RIMS1: variants seen among roughly 807,000 people sequenced by gnomAD.
RIMS1 encodes regulating synaptic membrane exocytosis 1.
Under a neutral mutation model 214.1 loss-of-function variants are expected in RIMS1, and 83 were observed. That is an observed-to-expected ratio of 0.39 (90% CI 0.32 to 0.47). The LOEUF is 0.47. Ranked by LOEUF, RIMS1 falls within the 20% of genes least tolerant of loss-of-function variation. RIMS1 has a pLI of 0.99. For missense variants in RIMS1, 2,050 were observed against 2,161.8 expected (o/e 0.95, Z 1.03); for synonymous variants, 793 against 786.8 (o/e 1.01, Z -0.13).
At chr6:72,128,589 G>A (rs2039972379) in intron 4 of RIMS1, among the ~76,000 whole-genome samples, 1 of 152,118 alleles carries the variant, frequency 6.6e-6, no homozygotes, top group African/African-American at 2.4e-5. Context: ...CAAGAATGGG[G>A]AATCTTCCAG....
intron 1 of RIMS1, among the ~76,000 whole-genome samples, chr6:71,926,104 T>C (rs566791844): frequency 1.5e-4 from 23 of 152,292 alleles, no homozygotes; most frequent in African/African-American, 5.3e-4. Context: ...TCTCACTCTG[T>C]CACCAGGCTG....
intron 1 of RIMS1, among the ~76,000 whole-genome samples, chr6:71,936,326 CAAAAAAAA>C (rs4034728): frequency 5.8e-5 from 4 of 68,700 alleles, no homozygotes; most frequent in Non-Finnish European, 1.0e-4. Context: ...GACTCCGTCT[CAAAAAAAA>C]AAAAAAAAAA....
Position 72,355,126 on chromosome 6 carries a change from A to G in RIMS1, c.4366+21291A>G, listed in dbSNP as rs565207202. Reference sequence around the variant, plus strand: ...AACTAAAGTTTTATTTTCTGTTTTTAAACAACAGTTGTGTCACTTAATAAT... The same window carrying G: ...AACTAAAGTTTTATTTTCTGTTTTTGAACAACAGTTGTGTCACTTAATAAT... On this transcript the variant is annotated intron_variant, in intron 29 of 33. Coordinates refer to ENST00000521978, the MANE Select transcript of RIMS1 (RefSeq NM_014989.7). 2.6e-5 allele frequency among the ~76,000 whole-genome samples: 4 copies of G among 152,228 alleles called. No individual in the cohort carries two copies. The South Asian group carries it at 8.3e-4, about 32-fold the overall frequency.
chr6:72,285,292 G>A (rs1398714543), intron 24 of RIMS1, among the ~76,000 whole-genome samples: 1 of 152,186 alleles, frequency 6.6e-6, no homozygotes, highest in African/African-American at 2.4e-5. Context: ...AGGGGTAGAT[G>A]CAAGGCATCA....
intron 4 of RIMS1, among the ~76,000 whole-genome samples, chr6:72,148,287 C>A (rs1477641279): frequency 6.6e-6 from 1 of 152,024 alleles, no homozygotes; most frequent in African/African-American, 2.4e-5. Flanking sequence ...AAGAGAAGTA[C>A]AGACTGAAGA....
chr6:72,134,878 G>T (rs2041026942), intron 4 of RIMS1, among the ~76,000 whole-genome samples: 1 of 152,130 alleles, frequency 6.6e-6, no homozygotes, highest in Admixed American at 6.6e-5. Context: ...GGTCACAGAT[G>T]TTTTAGATGT....
At chr6:72,292,749 T>C (rs919188023) in intron 26 of RIMS1, among the ~76,000 whole-genome samples, 5 of 152,138 alleles carry the variant, frequency 3.3e-5, no homozygotes, top group Non-Finnish European at 7.4e-5. Flanking sequence ...ATGACATGAC[T>C]TGTTATCATT....
chr6:72,299,996 T>A (rs1194608291), intron 26 of RIMS1, among the ~76,000 whole-genome samples: 1 of 151,814 alleles, frequency 6.6e-6, no homozygotes, highest in Non-Finnish European at 1.5e-5. Flanking sequence ...TGGGCATTGC[T>A]TCTCCTGAAC....
At chr6:72,303,023 G>A (rs1206149913) in intron 26 of RIMS1, among the ~76,000 whole-genome samples, 1 of 150,624 alleles carries the variant, frequency 6.6e-6, no homozygotes, top group African/African-American at 2.4e-5. Flanking sequence ...GGAATTTTGA[G>A]ATCCAAACAA....
chr6:72,354,004 G>C (rs1451039186), intron 29 of RIMS1, among the ~76,000 whole-genome samples: 1 of 152,106 alleles, frequency 6.6e-6, no homozygotes, highest in East Asian at 1.9e-4. Flanking sequence ...TGAATCACCT[G>C]AGGTCAGGAG....
intron 29 of RIMS1, among the ~76,000 whole-genome samples, chr6:72,369,083 G>A (rs912312723): frequency 2.0e-5 from 3 of 149,922 alleles, no homozygotes; most frequent in Non-Finnish European, 4.4e-5. Flanking sequence ...AATCTAGTAT[G>A]GGAGCACAGT....
intron 1 of RIMS1, among the ~76,000 whole-genome samples, chr6:71,910,110 G>A (rs927627920): frequency 1.1e-4 from 16 of 152,142 alleles, no homozygotes; most frequent in African/African-American, 3.1e-4. Flanking sequence ...CCTCTGGAAG[G>A]CTGTGAAAAT....
chr6:72,327,376 AT>A (rs1430241330), intron 28 of RIMS1, among the ~76,000 whole-genome samples: 4 of 151,744 alleles, frequency 2.6e-5, no homozygotes, highest in African/African-American at 7.3e-5. Context: ...ATAATATTTC[AT>A]TGTATGGATT....
chr6:71,907,093 C>G (rs1775460796), intron 1 of RIMS1, among the ~76,000 whole-genome samples: 1 of 152,138 alleles, frequency 6.6e-6, no homozygotes, highest in Non-Finnish European at 1.5e-5. Context: ...TGGGAATACA[C>G]AGAAGTTGGG....
At chr6:72,055,140 A>C (rs1269119421) in intron 2 of RIMS1, among the ~76,000 whole-genome samples, 1 of 152,162 alleles carries the variant, frequency 6.6e-6, no homozygotes, top group Non-Finnish European at 1.5e-5. Flanking sequence ...TCATGAAATA[A>C]TAGAGGGACA....
chr6:72,090,625 C>T lies in RIMS1; in HGVS notation c.246-6324C>T, dbSNP rs566937224. On this transcript the variant is annotated intron_variant, in intron 2 of 33. Transcript: ENST00000521978. The stretch of plus-strand genomic sequence containing the variant: ...GGGGACAATTGTGTTGTGGGGACAA[C>T]AAAGAGTTTTTTAACTGTAAAACTA... Among the ~76,000 whole-genome samples the T allele has an allele frequency of 4.6e-5, 7 of 152,138 alleles. No individual in the cohort carries two copies. The South Asian group carries it at 1.2e-3, about 27-fold the overall frequency.
intron 6 of RIMS1, 70 bp downstream of exon 6, chr6:72,183,219 T>C: frequency 6.7e-7 from 1 of 1,492,356 alleles, no homozygotes; most frequent in Non-Finnish European, 9.1e-7. Flanking sequence ...GTGCAGGTGC[T>C]AGGCTAGTTG....
chr6:72,189,827 C>G (rs2463724), intron 6 of RIMS1, among the ~76,000 whole-genome samples: 108,089 of 152,094 alleles, frequency 0.71, 38,754 homozygotes, highest in East Asian at 0.84. Context: ...GTTGTCCACA[C>G]AACGAGTGAT....
At chr6:72,249,816 G>A (rs568606481) in intron 12 of RIMS1, among the ~76,000 whole-genome samples, 61 of 151,848 alleles carry the variant, frequency 4.0e-4, no homozygotes, top group African/African-American at 6.0e-4. Flanking sequence ...AATACTAAAC[G>A]GTGCCTGTAT....
Sources: allele counts gnomAD v4.1 joint callset (sites outside exome capture counted in the v4.1 genomes callset), GRCh38; gene constraint gnomAD v4.1.1; transcripts MANE v1.5; gene names NCBI Gene and HGNC (gene_info 2026-07-23, HGNC 2026-07-21).